The following MYOT variants were observed in gnomAD, a reference collection of about 807,000 sequenced individuals.
MYOT encodes 57 kDa cytoskeletal protein.
In MYOT, 36 loss-of-function variants were observed where a neutral mutation model predicts 58.0. That is an observed-to-expected ratio of 0.62 (90% CI 0.48 to 0.82). MYOT has a LOEUF of 0.82. MYOT is among the 40% of genes least tolerant of loss of function. MYOT has a pLI of 0.00. For missense variants in MYOT, 505 were observed against 592.1 expected, an observed-to-expected ratio of 0.85 and a Z score of 1.53; for synonymous variants, 218 against 204.6, an observed-to-expected ratio of 1.07 and a Z score of -0.56.
At position 137,867,938 on chromosome 5, in the gene MYOT, C is replaced by A. The variant is rs915505754; in HGVS notation, c.-227C>A. The A allele has an allele frequency of 6.6e-6, 1 of 152,194 alleles. No homozygotes were observed. The highest frequency in any genetic ancestry group is 1.5e-5 in the Non-Finnish European group (1 of 68,052). 9.4% of individuals were successfully genotyped at this position (152,194 alleles called of 1,614,324 possible). A position where few individuals can be genotyped will look rare whatever the true frequency, so the allele number is the denominator to read the frequency against. Reference sequence around the variant, plus strand: ...AATAGTGGGTTAAACCCAGCTGGCACCCTCTGGAACTACGGGTAAGTCCCT... The same window carrying A: ...AATAGTGGGTTAAACCCAGCTGGCAACCTCTGGAACTACGGGTAAGTCCCT... On this transcript the variant is annotated 5_prime_UTR_variant, in exon 1 of 10. Transcript: ENST00000239926.
At chr5:137,877,367 CAAAAAAAAA>C (rs1172576383) in intron 3 of MYOT, among the ~76,000 whole-genome samples, 144 bp from the exon 4 acceptor site, 3 of 42,116 alleles carry the variant, frequency 7.1e-5, no homozygotes, top group Non-Finnish European at 1.7e-4. Context: ...GACTCCGTCT[CAAAAAAAAA>C]AAAAAAAAAA....
intron 1 of MYOT, among the ~76,000 whole-genome samples, 172 bp from the exon 2 acceptor site, chr5:137,870,269 C>T (rs1264970870): frequency 6.8e-6 from 1 of 146,056 alleles, no homozygotes; most frequent in African/African-American, 2.5e-5. Flanking sequence ...GAGCTATGTT[C>T]GCCTGGGCGA....
intron 1 of MYOT, among the ~76,000 whole-genome samples, chr5:137,869,373 C>T (rs980151975): frequency 1.3e-4 from 19 of 151,952 alleles, no homozygotes; most frequent in African/African-American, 4.8e-5. Flanking sequence ...TATATAGTCC[C>T]GCTTAGGTTT....
At chr5:137,882,243 T>TG (rs1290503120) in intron 6 of MYOT, 138 bp downstream of exon 6, 3 of 987,282 alleles carry the variant, frequency 3.0e-6, no homozygotes, top group Non-Finnish European at 4.7e-6. Context: ...GTCAAACTGA[T>TG]GTGGGTTTGA....
intron 2 of MYOT, among the ~76,000 whole-genome samples, chr5:137,871,221 G>A (rs778974607): frequency 3.9e-5 from 6 of 152,186 alleles, no homozygotes; most frequent in Middle Eastern, 3.4e-3. Context: ...TCCAAGCTGC[G>A]CTGAATCCAA....
At chr5:137,872,798 C>G (rs1469936655) in intron 2 of MYOT, among the ~76,000 whole-genome samples, 1 of 152,166 alleles carries the variant, frequency 6.6e-6, no homozygotes, top group African/African-American at 2.4e-5. Flanking sequence ...GATCAAACCA[C>G]AGACTGAAAA....
chr5:137,882,820 T>A (rs1329676049), intron 6 of MYOT: 1 of 156,480 alleles, frequency 6.4e-6, no homozygotes, highest in African/African-American at 2.4e-5. Context: ...ATTTTTATTA[T>A]CCTTATTTTG....
intron 2 of MYOT, among the ~76,000 whole-genome samples, chr5:137,871,778 G>A (rs952324836): frequency 3.9e-5 from 6 of 152,154 alleles, no homozygotes; most frequent in Non-Finnish European, 7.3e-5. Flanking sequence ...GGAGATGGTG[G>A]TTATGCTTTT....
rs1755634456 is a variant in MYOT, at chr5:137,887,308, A to T, written c.1420A>T (p.Lys474Ter). ...LALNGKGLNV[K>*]QAFNPEGEFQ... is the part of the protein sequence containing the mutation. ...ACTTAATGGGAAAGGTTTGAATGTAAAACAAGCTTTTAACCCAGAAGGAGA... is the reference window on the plus strand; with the variant it reads ...ACTTAATGGGAAAGGTTTGAATGTATAACAAGCTTTTAACCCAGAAGGAGA... The change falls in exon 10 of 10, where the codon AAA (lysine) becomes TAA (stop). Residue 474 changes from lysine (K) to a stop codon, truncating the protein, a stop_gained. Transcript: ENST00000239926. LOFTEE classifies it high-confidence loss of function. 6.2e-7 allele frequency: 1 copy of T among 1,613,992 alleles called. No homozygotes were observed. The highest frequency in any genetic ancestry group is 1.3e-5 in the African/African-American group (1 of 74,940).
At chr5:137,873,414 A>ATCCCAGCTACCTGGGAGGCTGAG (rs1274445432) in intron 2 of MYOT, among the ~76,000 whole-genome samples, 4 of 151,910 alleles carry the variant, frequency 2.6e-5, no homozygotes, top group Non-Finnish European at 5.9e-5. Context: ...GGCACCTATA[A>ATCCCAGCTACCTGGGAGGCTGAG]TCCCAGCTAC....
chr5:137,881,979 A>T lies in MYOT; in HGVS notation c.690A>T (p.Arg230Ser). The change falls in exon 6 of 10, where the codon AGA becomes AGT. Residue 230 changes from arginine (R) to serine (S), a missense_variant. By Grantham distance (110) the Arg-to-Ser change is moderately radical. Transcript: ENST00000239926. ...LQVPTSQVRSRSTSRGDVNDQ... is the reference protein window; with the variant it reads ...LQVPTSQVRSSSTSRGDVNDQ... ...TACCAAAATATTCTTGTAGAAGTAG[A>T]TCAACCTCAAGGGGAGATGTGAATG... The T allele has an allele frequency of 6.2e-7, 1 of 1,614,050 alleles. No individual in the cohort carries two copies. The highest frequency in any genetic ancestry group is 8.5e-7 in the Non-Finnish European group (1 of 1,179,878).
rs762748285 is a variant in MYOT, at chr5:137,882,116, G to GCCTT, written c.816+11_816+12insCCTT. On this transcript the variant is annotated intron_variant, in intron 6 of 9. Coordinates refer to ENST00000239926, the MANE Select transcript of MYOT (RefSeq NM_006790.3). ...AGAATGGACTTCAAAGTAAGAGAAG[G>GCCTT]GTTCAAAAGTACTGGGGGAAAATTA... is the stretch of plus-strand genomic sequence containing the variant. 5 of 1,613,868 alleles carry GCCTT rather than the reference G, an allele frequency of 3.1e-6. No individual in the cohort carries two copies. Among genetic ancestry groups the GCCTT allele is most frequent in the South Asian group, 1.1e-5 (1 of 91,082 alleles).
Position 137,881,999 on chromosome 5 carries a change from T to C in MYOT, c.710T>C (p.Val237Ala). 2 of 1,614,046 alleles carry C rather than the reference T, an allele frequency of 1.2e-6. No individual in the cohort carries two copies. Among genetic ancestry groups the C allele is most frequent in the South Asian group, 2.2e-5 (2 of 91,086 alleles). ...AGTAGATCAACCTCAAGGGGAGATG[T>C]GAATGATCAGGATGCAATCCAGGAG... is the stretch of plus-strand genomic sequence containing the variant. Reference protein sequence around the residue: ...VRSRSTSRGDVNDQDAIQEKF... With the variant: ...VRSRSTSRGDANDQDAIQEKF... Residue 237 changes from valine to alanine, a missense_variant, in exon 6 of 10, where the codon GTG becomes GCG. By Grantham distance (64) the Val-to-Ala change is moderately conservative. Coordinates refer to ENST00000239926, the MANE Select transcript of MYOT (RefSeq NM_006790.3).
intron 3 of MYOT, among the ~76,000 whole-genome samples, chr5:137,876,548 G>C (rs956499329): frequency 3.3e-5 from 5 of 152,114 alleles, no homozygotes; most frequent in Non-Finnish European, 5.9e-5. Context: ...GCTCACGTCT[G>C]TAATCCCAGC....
intron 7 of MYOT, 153 bp downstream of exon 7, chr5:137,883,744 GA>G: frequency 4.5e-6 from 3 of 665,182 alleles, no homozygotes; most frequent in Non-Finnish European, 7.9e-6. Context: ...CAAACCACAG[GA>G]AAAAATATAT....
chr5:137,887,159 A>C, intron 9 of MYOT, 54 bp from the exon 10 acceptor site: 1 of 1,607,462 alleles, frequency 6.2e-7, no homozygotes, highest in Non-Finnish European at 8.5e-7. Context: ...ACCTAGTGTG[A>C]CCAATTTGGT....
chr5:137,883,144 G>T (rs1320340463), intron 6 of MYOT: 1 of 493,172 alleles, frequency 2.0e-6, no homozygotes, highest in Non-Finnish European at 3.7e-6. Context: ...TTCATAAAGA[G>T]ACTGAGGTTG....
intron 6 of MYOT, chr5:137,883,101 ATAAAT>A: frequency 2.1e-5 from 8 of 379,934 alleles, no homozygotes; most frequent in South Asian, 1.5e-4. Context: ...CCAATGTAAC[ATAAAT>A]TAATGTTCTA....
intron 4 of MYOT, among the ~76,000 whole-genome samples, chr5:137,879,702 T>C (rs1755358835): frequency 6.8e-6 from 1 of 146,254 alleles, no homozygotes; most frequent in Admixed American, 6.8e-5. Flanking sequence ...TTTTTTTTTT[T>C]TTTTTTTGTA....
Sources: allele counts gnomAD v4.1 joint callset (sites outside exome capture counted in the v4.1 genomes callset), GRCh38; gene constraint gnomAD v4.1.1; transcripts MANE v1.5; gene names NCBI Gene and HGNC (gene_info 2026-07-23, HGNC 2026-07-21).